Variants in DIAPH2 observed in about 807,000 individuals in gnomAD.
The protein encoded by DIAPH2 is diaphanous related formin 2, also known as protein diaphanous homolog 2.
Under a neutral mutation model 92.7 loss-of-function variants are expected in DIAPH2, and 35 were observed. That is an observed-to-expected ratio of 0.38 (90% CI 0.29 to 0.50). DIAPH2 has a LOEUF of 0.50. Ranked by LOEUF, DIAPH2 falls within the 20% of genes least tolerant of loss-of-function variation. DIAPH2 has a pLI of 0.94. For synonymous variants in DIAPH2, 301 were observed against 280.4 expected (o/e 1.07, Z -0.73); for missense variants, 701 against 819.5 (o/e 0.86, Z 1.77).
intron 5 of DIAPH2, among the ~76,000 whole-genome samples, chrX:96,886,348 T>G (rs2065261954): frequency 9.1e-6 from 1 of 109,382 alleles, no homozygotes; most frequent in African/African-American, 3.3e-5. Flanking sequence ...AATATACAAA[T>G]AGAAGAACAT....
intron 4 of DIAPH2, among the ~76,000 whole-genome samples, chrX:96,849,418 G>A (rs2064993295): frequency 9.0e-6 from 1 of 111,731 alleles, no homozygotes; most frequent in East Asian, 2.8e-4. Context: ...CACCCAGCTT[G>A]GCTTCCCAAA....
chrX:96,868,620 C>G (rs2065119639), intron 4 of DIAPH2, among the ~76,000 whole-genome samples: 2 of 111,415 alleles, frequency 1.8e-5, no homozygotes, highest in Non-Finnish European at 3.8e-5. Context: ...CCCTTATCAC[C>G]CCCTATCTAT....
chrX:97,098,760 G>A (rs1451204721), intron 19 of DIAPH2, among the ~76,000 whole-genome samples: 6 of 112,712 alleles, frequency 5.3e-5, no homozygotes, highest in South Asian at 3.7e-4. Flanking sequence ...AATCATATTC[G>A]TGAGGGCTCC....
intron 26 of DIAPH2, among the ~76,000 whole-genome samples, chrX:97,556,936 C>T (rs1029167063): frequency 2.7e-5 from 3 of 111,692 alleles, no homozygotes; most frequent in Middle Eastern, 4.2e-3. Flanking sequence ...CACAGAAAAA[C>T]AGGGCAACTA....
chrX:97,264,907 C>T (rs192515440), intron 23 of DIAPH2, among the ~76,000 whole-genome samples: 205 of 110,865 alleles, frequency 1.8e-3, no homozygotes, highest in African/African-American at 6.4e-3. Context: ...TGCTTGAACC[C>T]GGGAGGCGGA....
At chrX:97,003,169 A>G (rs1370243138) in intron 17 of DIAPH2, among the ~76,000 whole-genome samples, 1 of 110,576 alleles carries the variant, frequency 9.0e-6, no homozygotes, top group Non-Finnish European at 1.9e-5. Context: ...TCCATCATGT[A>G]TATTTACCAC....
At chrX:97,349,084 T>A (rs759052719) in intron 24 of DIAPH2, among the ~76,000 whole-genome samples, 1,903 of 47,633 alleles carry the variant, frequency 0.04, 19 homozygotes, top group Non-Finnish European at 0.071. Context: ...ATATATATAT[T>A]TTTTTTTTTT....
intron 14 of DIAPH2, among the ~76,000 whole-genome samples, chrX:96,948,163 A>G (rs1302181156): frequency 2.7e-5 from 3 of 112,708 alleles, no homozygotes; most frequent in African/African-American, 6.4e-5. Flanking sequence ...GTATTAATAT[A>G]CGTACATTTG....
At position 97,537,975 on chromosome X, in the gene DIAPH2, C is replaced by G. The variant is rs1312943598; in HGVS notation, c.3242-61278C>G. 2.8e-5 allele frequency among the ~76,000 whole-genome samples: 3 copies of G among 107,162 alleles called. No individual in the cohort carries two copies. In the South Asian group the frequency reaches 1.3e-3, roughly 47 times the overall value. 93.1% of individuals were successfully genotyped at this position (107,162 alleles called of 115,157 possible). A position where few individuals can be genotyped will look rare whatever the true frequency, so the allele number is the denominator to read the frequency against. On this transcript the variant is annotated intron_variant, in intron 26 of 26. Transcript: ENST00000324765. The stretch of plus-strand genomic sequence containing the variant: ...TCTCGGCTCACTGCAAGCTCCGCCT[C>G]CCGGGTTCACGCCATTCTCCTGCCT...
At chrX:97,091,131 C>G (rs2066821923) in intron 19 of DIAPH2, among the ~76,000 whole-genome samples, 1 of 110,721 alleles carries the variant, frequency 9.0e-6, no homozygotes, top group African/African-American at 3.3e-5. Context: ...CTCAGCAACC[C>G]CACAACTCCC....
At chrX:97,012,211 A>T (rs2066231981) in intron 17 of DIAPH2, among the ~76,000 whole-genome samples, 1 of 112,120 alleles carries the variant, frequency 8.9e-6, no homozygotes, top group Non-Finnish European at 1.9e-5. Context: ...GCTGAACAAA[A>T]TAGTTCCTGA....
intron 23 of DIAPH2, among the ~76,000 whole-genome samples, chrX:97,253,772 TA>T (rs72471288): frequency 0.079 from 8,670 of 109,469 alleles, 468 homozygotes; most frequent in African/African-American, 0.2. Context: ...TAAATAATAA[TA>T]AAAAAAACAG....
chrX:97,502,909 T>C (rs2070808418), intron 26 of DIAPH2, among the ~76,000 whole-genome samples: 1 of 112,134 alleles, frequency 8.9e-6, no homozygotes, highest in African/African-American at 3.2e-5. Flanking sequence ...ATTTAGGAAG[T>C]GAACGTTGAT....
At chrX:97,460,698 G>T (rs2147801512) in intron 26 of DIAPH2, among the ~76,000 whole-genome samples, 1 of 111,516 alleles carries the variant, frequency 9.0e-6, no homozygotes, top group South Asian at 3.8e-4. Context: ...ACTAGACATA[G>T]CCAAGTTGTG....
At chrX:96,830,207 G>A (rs1602545787) in intron 4 of DIAPH2, among the ~76,000 whole-genome samples, 2 of 110,917 alleles carry the variant, frequency 1.8e-5, no homozygotes, top group South Asian at 7.5e-4. Flanking sequence ...TACATTACAG[G>A]CTAAAAAATA....
intron 4 of DIAPH2, among the ~76,000 whole-genome samples, chrX:96,804,301 T>G (rs995128786): frequency 4.5e-5 from 5 of 111,829 alleles, no homozygotes; most frequent in Non-Finnish European, 7.5e-5. Flanking sequence ...TTATCTCATT[T>G]TCTCAAATTT....
chrX:97,278,523 T>C (rs1023618077), intron 23 of DIAPH2, among the ~76,000 whole-genome samples: 1 of 111,460 alleles, frequency 9.0e-6, no homozygotes, highest in African/African-American at 3.3e-5. Flanking sequence ...CACTGACCTT[T>C]TTGATGTCTC....
At chrX:96,921,608 C>T (rs781709395) in intron 9 of DIAPH2, among the ~76,000 whole-genome samples, 7 of 110,886 alleles carry the variant, frequency 6.3e-5, no homozygotes, top group African/African-American at 2.3e-4. Flanking sequence ...ATCTTGATCA[C>T]TTGGCACTGT....
chrX:96,971,991 G>A (rs908278157), intron 17 of DIAPH2, among the ~76,000 whole-genome samples: 2 of 111,743 alleles, frequency 1.8e-5, no homozygotes, highest in Non-Finnish European at 3.8e-5. Context: ...ATAGGTGGCA[G>A]GTTTAGTAAG....
Sources: allele counts gnomAD v4.1 joint callset (sites outside exome capture counted in the v4.1 genomes callset), GRCh38; gene constraint gnomAD v4.1.1; transcripts MANE v1.5; gene names NCBI Gene and HGNC (gene_info 2026-07-23, HGNC 2026-07-21).